The following MAGEC1 variants were observed in gnomAD, a reference collection of about 807,000 sequenced individuals.
MAGEC1 encodes the protein MAGE family member C1, also known as melanoma-associated antigen C1.
In MAGEC1, 3 loss-of-function variants were observed where a neutral mutation model predicts 1.5. The observed-to-expected ratio is 1.97, with a 90% CI of 0.90 to 5.10. The LOEUF is 5.10. MAGEC1 is among the 30% of genes most tolerant of loss of function. The probability of loss-of-function intolerance (pLI) is 0.02; values close to 1 mark genes in which losing one functional copy is unlikely to be tolerated. For synonymous variants in MAGEC1, 357 were observed against 310.4 expected (o/e 1.15, Z -1.58); for missense variants, 985 against 803.1 (o/e 1.23, Z -2.74).
chrX:141,905,307 C>A, intron 3 of MAGEC1, 102 bp from the exon 4 acceptor site: 1 of 882,250 alleles, frequency 1.1e-6, no homozygotes, highest in East Asian at 3.1e-5. Context: ...GAGGAGGAAG[C>A]TTCCTCCATT....
In MAGEC1 at chrX:141,906,749, T is replaced by C. The variant is rs112554815; in HGVS notation, c.1345T>C (p.Ser449Pro). ...GTCTCCTCTCCAGATTCCTGTGAGC[T>C]CCTCTTTCTCCTACACTTTATTGAG... ...PQSPLQIPVS[S>P]SFSYTLLSLF... is the part of the protein sequence containing the mutation. Residue 449 changes from serine (S) to proline (P), a missense_variant, in exon 4 of 4, where the codon TCC becomes CCC. Ser to Pro is a moderately conservative substitution (Grantham distance 74, BLOSUM62 -1). Coordinates refer to ENST00000285879, the MANE Select transcript of MAGEC1 (RefSeq NM_005462.5). 6 of 1,194,866 alleles carry C rather than the reference T, an allele frequency of 5.0e-6. No individual in the cohort carries two copies. Among genetic ancestry groups the C allele is most frequent in the Non-Finnish European group, 5.6e-6 (5 of 887,477 alleles).
Position 141,908,221 on chromosome X carries a change from C to T in MAGEC1, c.2817C>T (p.Ile939=). The change falls in exon 4 of 4, where the codon ATC becomes ATT. Residue 939 remains isoleucine (I), a synonymous_variant. Coordinates refer to ENST00000285879, the MANE Select transcript of MAGEC1 (RefSeq NM_005462.5). ...ITKAEMLTNV[I]SRYTGYFPVI... ...AGGCAGAGATGCTGACGAATGTCAT[C>T]AGCAGGTACACGGGCTACTTTCCTG... The T allele has an allele frequency of 1.7e-6, 2 of 1,211,676 alleles. No homozygotes were observed. The highest frequency in any genetic ancestry group is 2.2e-6 in the Non-Finnish European group (2 of 895,539).
chrX:141,905,360 T>C, intron 3 of MAGEC1, 49 bp from the exon 4 acceptor site: 2 of 1,102,940 alleles, frequency 1.8e-6, no homozygotes, highest in Non-Finnish European at 2.5e-6. Flanking sequence ...GTCCTCCTCC[T>C]GTTTTTCTTT....
In MAGEC1 at chrX:141,905,944, G is replaced by C. The variant is rs771159222; in HGVS notation, c.540G>C (p.Gln180His). The C allele has an allele frequency of 4.2e-6, 5 of 1,204,484 alleles. No individual in the cohort carries two copies. Among genetic ancestry groups the C allele is most frequent in the Non-Finnish European group, 4.5e-6 (4 of 891,572 alleles). The change falls in exon 4 of 4, where the codon CAG (glutamine) becomes CAC (histidine). Residue 180 changes from glutamine to histidine, a missense_variant. By Grantham distance (24) the Gln-to-His change is conservative (BLOSUM62 0). Coordinates refer to ENST00000285879, the MANE Select transcript of MAGEC1 (RefSeq NM_005462.5). ...CCTCCACTTTAGTGAGTATTTTCCA[G>C]AGTTCCCCTGAGAGTACTCAAAGTC... The part of the protein sequence containing the change: ...ASSSTLVSIF[Q>H]SSPESTQSPF...
rs1331569386 is a variant in MAGEC1 at position 141,907,974 on chromosome X, CCTT to C, written c.2573_2575del (p.Phe858del). 1 of 1,211,620 alleles carries C rather than the reference CCTT, an allele frequency of 8.3e-7. No individual in the cohort carries two copies. Among genetic ancestry groups the C allele is most frequent in the East Asian group, 3.0e-5 (1 of 33,814 alleles). ...AGTCCTCTCCAGAGTCCTGTGATCT[CCTT>C]CTCCTCCTCCACTTCATTGAGCCCA... On this transcript the variant is annotated inframe_deletion, in exon 4 of 4. Coordinates refer to ENST00000285879, the MANE Select transcript of MAGEC1 (RefSeq NM_005462.5).
rs760430208 is a variant in MAGEC1 at position 141,905,972 on chromosome X, T to C, written c.568T>C (p.Phe190Leu). Reference protein sequence around the residue: ...QSSPESTQSPFEGFPQSPLQI... With the variant: ...QSSPESTQSPLEGFPQSPLQI... ...TTCCCCTGAGAGTACTCAAAGTCCTTTTGAGGGTTTTCCCCAGTCTCCACT... is the reference window on the plus strand; with the variant it reads ...TTCCCCTGAGAGTACTCAAAGTCCTCTTGAGGGTTTTCCCCAGTCTCCACT... The change falls in exon 4 of 4, where the codon TTT becomes CTT. Residue 190 changes from phenylalanine (F) to leucine (L), a missense_variant. Phe to Leu is a conservative substitution (Grantham distance 22). Coordinates refer to ENST00000285879, the MANE Select transcript of MAGEC1 (RefSeq NM_005462.5). The C allele has an allele frequency of 1.7e-6, 2 of 1,207,662 alleles. No homozygotes were observed. The highest frequency in any genetic ancestry group is 3.5e-5 in the African/African-American group (2 of 57,771).
At position 141,903,996 on chromosome X, in the gene MAGEC1, G is replaced by C. The variant is rs1256019165; in HGVS notation, c.-202+18G>C. The C allele has an allele frequency of 2.6e-5, 3 of 115,355 alleles. No individual in the cohort carries two copies. Among genetic ancestry groups the C allele is most frequent in the Non-Finnish European group, 3.6e-5 (2 of 55,180 alleles). 9.5% of individuals were successfully genotyped at this position (115,355 alleles called of 1,213,427 possible). On this transcript the variant is annotated intron_variant, in intron 1 of 3. Transcript: ENST00000285879. ...TCTTCAAGGTGAGGGCCCCGAGGGA[G>C]AAGTGAGGGACAACCCCACCACAGA...
intron 3 of MAGEC1, 131 bp from the exon 4 acceptor site, chrX:141,905,278 G>A (rs891230009): frequency 2.4e-6 from 2 of 835,146 alleles, no homozygotes; most frequent in Non-Finnish European, 3.5e-6. Flanking sequence ...TAGATGCAGA[G>A]GATCCCCCAG....
chrX:141,904,779 A>G lies in MAGEC1; in HGVS notation c.-139A>G. ...GGGACACATACATCCTAAAAGCACC[A>G]CAGCAGAGGAGGCCCAGGCAGTGCC... On this transcript the variant is annotated 5_prime_UTR_variant, in exon 2 of 4. Transcript: ENST00000285879. 2.6e-6 allele frequency: 1 copy of G among 380,639 alleles called. No individual in the cohort carries two copies. Among genetic ancestry groups the G allele is most frequent in the Middle Eastern group, 7.4e-4 (1 of 1,359 alleles). The allele number at this position is 380,639 out of a possible 1,213,427, so 31.4% of individuals were successfully genotyped here. A position where few individuals can be genotyped will look rare whatever the true frequency, so the allele number is the denominator to read the frequency against.
rs780656248 is a variant in MAGEC1, at chrX:141,905,687, C to A, written c.283C>A (p.Pro95Thr). ...TCCTGAGGGCGACGACACCCAGTCTCCTCTCCAGAATTCTCAGAGTTCTCC... is the reference window on the plus strand; with the variant it reads ...TCCTGAGGGCGACGACACCCAGTCTACTCTCCAGAATTCTCAGAGTTCTCC... The part of the protein sequence containing the change: ...SSPEGDDTQS[P>T]LQNSQSSPEG... Residue 95 changes from proline to threonine, a missense_variant, in exon 4 of 4, where the codon CCT (proline) becomes ACT (threonine). By Grantham distance (38) the Pro-to-Thr change is conservative. Transcript: ENST00000285879. 24 of 1,211,167 alleles carry A rather than the reference C, an allele frequency of 2.0e-5. No homozygotes were observed. The South Asian group carries it at 4.2e-4, about 21-fold the overall frequency.
Position 141,905,019 on chromosome X carries a change from A to G in MAGEC1, c.-54A>G, listed in dbSNP as rs2018168648. ...GAAGACAGGCGACCTGTGAGGCCCT[A>G]GAGCACCACCTTAAGAGAAGAAGAG... is the stretch of plus-strand genomic sequence containing the variant. On this transcript the variant is annotated 5_prime_UTR_variant, in exon 3 of 4. Coordinates refer to ENST00000285879, the MANE Select transcript of MAGEC1 (RefSeq NM_005462.5). The G allele has an allele frequency of 8.3e-7, 1 of 1,211,410 alleles. No homozygotes were observed. The highest frequency in any genetic ancestry group is 3.0e-5 in the East Asian group (1 of 33,807).
At position 141,907,786 on chromosome X, in the gene MAGEC1, C is replaced by G. The variant is rs770760888; in HGVS notation, c.2382C>G (p.Ser794=). The G allele has an allele frequency of 1.7e-6, 2 of 1,208,972 alleles. No homozygotes were observed. The highest frequency in any genetic ancestry group is 5.9e-5 in the East Asian group (2 of 33,649). Residue 794 remains serine, a synonymous_variant, in exon 4 of 4, where the codon TCC becomes TCG. Coordinates refer to ENST00000285879, the MANE Select transcript of MAGEC1 (RefSeq NM_005462.5). ...CTTTAGCGAGTCTTCTCCAAAGTTC[C>G]CATGAGAGTCCTCAGAGTCCTCCTG... The part of the protein sequence containing the change: ...SYTLASLLQS[S]HESPQSPPEG...
At position 141,905,702 on chromosome X, in the gene MAGEC1, C is replaced by G. The variant is rs145052423; in HGVS notation, c.298C>G (p.Gln100Glu). The part of the protein sequence containing the change: ...DDTQSPLQNS[Q>E]SSPEGKDSLS... ...CACCCAGTCTCCTCTCCAGAATTCT[C>G]AGAGTTCTCCTGAGGGGAAGGACTC... The change falls in exon 4 of 4, where the codon CAG (glutamine) becomes GAG (glutamate). Residue 100 changes from glutamine (Q) to glutamate (E), a missense_variant. Coordinates refer to ENST00000285879, the MANE Select transcript of MAGEC1 (RefSeq NM_005462.5). 14 of 1,209,843 alleles carry G rather than the reference C, an allele frequency of 1.2e-5. No individual in the cohort carries two copies. Among genetic ancestry groups the G allele is most frequent in the Non-Finnish European group, 1.6e-5 (14 of 894,813 alleles).
rs1288853135 is a variant in MAGEC1, at chrX:141,905,680, C to T, written c.276C>T (p.Thr92=). 1 of 1,211,049 alleles carries T rather than the reference C, an allele frequency of 8.3e-7. No individual in the cohort carries two copies. The highest frequency in any genetic ancestry group is 1.7e-5 in the African/African-American group (1 of 57,677). ...IPQSSPEGDD[T]QSPLQNSQSS... ...AGAGTTCTCCTGAGGGCGACGACAC[C>T]CAGTCTCCTCTCCAGAATTCTCAGA... The change falls in exon 4 of 4, where the codon ACC becomes ACT. Residue 92 remains threonine (T), a synonymous_variant. Coordinates refer to ENST00000285879, the MANE Select transcript of MAGEC1 (RefSeq NM_005462.5).
rs1228720575 is a variant in MAGEC1, at chrX:141,907,582, T to C, written c.2178T>C (p.Phe726=). 1 of 1,206,566 alleles carries C rather than the reference T, an allele frequency of 8.3e-7. No homozygotes were observed. Among genetic ancestry groups the C allele is most frequent in the Admixed American group, 2.2e-5 (1 of 45,645 alleles). Residue 726 remains phenylalanine (F), a synonymous_variant, in exon 4 of 4, where the codon TTT becomes TTC. Coordinates refer to ENST00000285879, the MANE Select transcript of MAGEC1 (RefSeq NM_005462.5). ...EWEDSLSPLH[F]PQFPPQGEDF... ...AGGACTCCCTCTCTCCTCTCCACTT[T>C]CCTCAGTTTCCTCCTCAGGGGGAGG...
chrX:141,908,087 G>A lies in MAGEC1; in HGVS notation c.2683G>A (p.Glu895Lys), dbSNP rs1252863127. The change falls in exon 4 of 4, where the codon GAG becomes AAG. Residue 895 changes from glutamate (E) to lysine (K), a missense_variant. Transcript: ENST00000285879. The stretch of plus-strand genomic sequence containing the variant: ...AGAGAGTGATTCCTTGACAGACAGC[G>A]AGTCCTTGATAGAGAGCGAGCCCTT... ...LLESDSLTDSESLIESEPLFT... is the reference protein window; with the variant it reads ...LLESDSLTDSKSLIESEPLFT... 5 of 1,211,992 alleles carry A rather than the reference G, an allele frequency of 4.1e-6. No homozygotes were observed. The highest frequency in any genetic ancestry group is 5.6e-6 in the Non-Finnish European group (5 of 895,597).
intron 2 of MAGEC1, 69 bp from the exon 3 acceptor site, chrX:141,904,901 G>C (rs1602639234): frequency 7.0e-6 from 5 of 714,791 alleles, no homozygotes; most frequent in Non-Finnish European, 1.1e-5. Flanking sequence ...GCCACCCACT[G>C]TCATTCCTGG....
chrX:141,907,176 C>G lies in MAGEC1; in HGVS notation c.1772C>G (p.Ser591Cys), dbSNP rs1569477884. Residue 591 changes from serine to cysteine, a missense_variant, in exon 4 of 4, where the codon TCT becomes TGT. Transcript: ENST00000285879. The part of the protein sequence containing the change: ...PQSPQGEDSL[S>C]PHYFPQSPPQ... ...AGCCCTCAGGGGGAGGACTCCCTGT[C>G]TCCTCACTACTTTCCTCAGAGCCCT... The G allele has an allele frequency of 4.1e-6, 5 of 1,209,609 alleles. No individual in the cohort carries two copies. The highest frequency in any genetic ancestry group is 5.9e-5 in the East Asian group (2 of 33,676).
chrX:141,906,490 A>G lies in MAGEC1; in HGVS notation c.1086A>G (p.Gln362=), dbSNP rs58707730. 487 of 1,156,062 alleles carry G rather than the reference A, an allele frequency of 4.2e-4. 6 individuals carry two copies. The Middle Eastern group carries it at 4.8e-3, about 11-fold the overall frequency. ...SIFQSSPESA[Q]STFEGFPQSP... is the part of the protein sequence containing the mutation. ...TCCAGAGTTCTCCTGAGAGTGCTCAAAGTACTTTTGAGGGTTTTCCCCAGT... is the reference window on the plus strand; with the variant it reads ...TCCAGAGTTCTCCTGAGAGTGCTCAGAGTACTTTTGAGGGTTTTCCCCAGT... Residue 362 remains glutamine (Q), a synonymous_variant, in exon 4 of 4, where the codon CAA becomes CAG. Coordinates refer to ENST00000285879, the MANE Select transcript of MAGEC1 (RefSeq NM_005462.5).
Sources: gnomAD v4.1 joint callset for allele counts on GRCh38, gnomAD v4.1.1 for gene constraint, MANE v1.5 for transcripts, NCBI Gene and HGNC (gene_info 2026-07-23, HGNC 2026-07-21) for gene names.